PBRM1: variants seen among roughly 807,000 people sequenced by gnomAD.
PBRM1 encodes protein polybromo-1.
PBRM1 carries 27 observed loss-of-function variants against 194.5 expected under a neutral mutation model. The observed-to-expected ratio is 0.14, with a 90% CI of 0.10 to 0.19. The LOEUF (loss-of-function observed/expected upper bound fraction) is 0.19. PBRM1 is among the 10% of genes least tolerant of loss of function. The probability of loss-of-function intolerance (pLI) is 1.00; values close to 1 mark genes in which losing one functional copy is unlikely to be tolerated. For synonymous variants in PBRM1, 655 were observed against 693.2 expected, an observed-to-expected ratio of 0.94 and a Z score of 0.87; for missense variants, 1,466 against 2,077.2, an observed-to-expected ratio of 0.71 and a Z score of 5.72.
intron 22 of PBRM1, among the ~76,000 whole-genome samples, chr3:52,572,347 C>T (rs1336201823): frequency 6.6e-6 from 1 of 152,038 alleles, no homozygotes; most frequent in Non-Finnish European, 1.5e-5. Flanking sequence ...GTACTGTCTG[C>T]CACATGTGGC....
chr3:52,630,773 G>A (rs2095593469), intron 11 of PBRM1, among the ~76,000 whole-genome samples: 1 of 152,232 alleles, frequency 6.6e-6, no homozygotes, highest in African/African-American at 2.4e-5. Flanking sequence ...AATTAGAAAG[G>A]GGAGGGGAGA....
At chr3:52,561,943 C>T (rs2153494543) in exon 25 of PBRM1, 1 of 1,614,038 alleles carries the variant, frequency 6.2e-7, no homozygotes, top group Non-Finnish European at 8.5e-7. Flanking sequence ...CTTCTTTGCA[C>T]TGCCTTTGGC....
At chr3:52,650,855 A>G (rs1467066140) in intron 6 of PBRM1, among the ~76,000 whole-genome samples, 2 of 152,186 alleles carry the variant, frequency 1.3e-5, no homozygotes, top group Non-Finnish European at 2.9e-5. Context: ...TTTCTGGTAC[A>G]ATTTAGCTCT....
chr3:52,682,591 G>A, upstream of PBRM1, among the ~76,000 whole-genome samples: 1 of 152,100 alleles, frequency 6.6e-6, no homozygotes. Context: ...TCTTATCCAT[G>A]GGACACATTT....
chr3:52,681,292 A>G (rs920762593), upstream of PBRM1: 1 of 152,010 alleles, frequency 6.6e-6, no homozygotes, highest in Non-Finnish European at 1.5e-5. Context: ...AATTAAGGAA[A>G]AAGAGAAGTC....
At chr3:52,674,087 G>A (rs1200769317) in intron 2 of PBRM1, among the ~76,000 whole-genome samples, 1 of 151,412 alleles carries the variant, frequency 6.6e-6, no homozygotes, top group Non-Finnish European at 1.5e-5. Flanking sequence ...TATATAGAAT[G>A]CAGATAAACG....
chr3:52,572,313 T>C (rs2153613276), intron 22 of PBRM1, among the ~76,000 whole-genome samples: 1 of 152,174 alleles, frequency 6.6e-6, no homozygotes, highest in Admixed American at 6.5e-5. Flanking sequence ...GGAAATTTTA[T>C]CACCTAAGGG....
Position 52,624,879 on chromosome 3 carries a change from T to TA in PBRM1, c.1541+2393dup. The TA allele has an allele frequency of 1.3e-6, 2 of 1,495,620 alleles. No individual in the cohort carries two copies. The highest frequency in any genetic ancestry group is 9.1e-7 in the Non-Finnish European group (1 of 1,096,980). 92.6% of individuals were successfully genotyped at this position (1,495,620 alleles called of 1,614,324 possible). A position where few individuals can be genotyped will look rare whatever the true frequency, so the allele number is the denominator to read the frequency against. ...TACACTTTAAAAGAATGTTTATGCA[T>TA]AAAAAAGGACTGCACACCTGGATAG... On this transcript the variant is annotated intron_variant, in intron 13 of 29. Coordinates refer to ENST00000296302, the Ensembl canonical transcript of PBRM1.
intron 5 of PBRM1, among the ~76,000 whole-genome samples, chr3:52,656,012 A>G (rs1247386396): frequency 6.6e-6 from 1 of 152,254 alleles, no homozygotes. Flanking sequence ...GAAGGCAGAC[A>G]GAAAAGTAAA....
Position 52,563,648 on chromosome 3 carries a change from G to A in PBRM1, c.3876-155C>T, listed in dbSNP as rs2289249. Among the ~76,000 whole-genome samples, 50,396 of 151,386 alleles carry A rather than the reference G, an allele frequency of 0.33. 9,503 individuals carry two copies. Among genetic ancestry groups the A allele is most frequent in the Admixed American group, 0.46 (6,930 of 15,148 alleles). On this transcript the variant is annotated intron_variant, in intron 23 of 29. Transcript: ENST00000296302. The stretch of plus-strand genomic sequence containing the variant: ...GGAAAGAGTTTAAATGTGTATTTAT[G>A]AAATTACTTGTACTTAGAGATGCTT...
At chr3:52,638,987 G>A (rs397875454) in intron 10 of PBRM1, among the ~76,000 whole-genome samples, 1 of 81,300 alleles carries the variant, frequency 1.2e-5, no homozygotes, top group Non-Finnish European at 2.6e-5. Flanking sequence ...ATTTTTTTTT[G>A]GGGGGGGGGG....
intron 22 of PBRM1, among the ~76,000 whole-genome samples, chr3:52,573,037 C>A (rs2087970294): frequency 6.6e-6 from 1 of 152,140 alleles, no homozygotes; most frequent in Non-Finnish European, 1.5e-5. Context: ...ACTTATATTT[C>A]ATTATATGCC....
chr3:52,590,603 GTTAT>G (rs2092932107), intron 17 of PBRM1, among the ~76,000 whole-genome samples: 5 of 151,978 alleles, frequency 3.3e-5, no homozygotes, highest in South Asian at 4.1e-4. Flanking sequence ...CATTTTAAAT[GTTAT>G]TTATTTTATT....
intron 4 of PBRM1, among the ~76,000 whole-genome samples, chr3:52,660,391 C>T (rs2153891447): frequency 6.6e-6 from 1 of 151,994 alleles, no homozygotes; most frequent in East Asian, 1.9e-4. Flanking sequence ...AACTGACAAG[C>T]TGCTGAGGAA....
chr3:52,551,548 C>T (rs144092728), intron 27 of PBRM1, among the ~76,000 whole-genome samples: 12 of 152,208 alleles, frequency 7.9e-5, no homozygotes, highest in South Asian at 2.1e-4. Flanking sequence ...TGAATGCTCA[C>T]GAGCAATTGT....
intron 16 of PBRM1, among the ~76,000 whole-genome samples, chr3:52,605,792 G>A (rs569692957): frequency 4.0e-5 from 6 of 151,836 alleles, no homozygotes; most frequent in Admixed American, 6.6e-5. Context: ...TAGTAGAAAC[G>A]AGGCTTCACC....
chr3:52,674,643 A>ATATAT (rs1553892218), intron 2 of PBRM1, among the ~76,000 whole-genome samples: 28 of 72,384 alleles, frequency 3.9e-4, no homozygotes, highest in African/African-American at 8.5e-4. Context: ...AAAAAAAAAA[A>ATATAT]ATATATATAT....
At chr3:52,611,503 A>G (rs1296838210) in intron 15 of PBRM1, among the ~76,000 whole-genome samples, 1 of 152,170 alleles carries the variant, frequency 6.6e-6, no homozygotes, top group African/African-American at 2.4e-5. Context: ...AGAGGAACAC[A>G]TGAAAGTACA....
chr3:52,561,794 C>G (rs2153488889), exon 25 of PBRM1: 1 of 1,614,120 alleles, frequency 6.2e-7, no homozygotes, highest in East Asian at 2.2e-5. Context: ...TTGGCTGTCT[C>G]AAGATTTCTC....
Sources: gnomAD v4.1 joint callset for allele counts (sites outside exome capture counted in the v4.1 genomes callset) on GRCh38, gnomAD v4.1.1 for gene constraint, MANE v1.5 for transcripts, NCBI Gene and HGNC (gene_info 2026-07-23, HGNC 2026-07-21) for gene names.